Variants in DMD observed in about 807,000 individuals in gnomAD.
DMD encodes the protein mutant dystrophin.
In DMD, 63 loss-of-function variants were observed where a neutral mutation model predicts 330.1. That is an observed-to-expected ratio of 0.19 (90% CI 0.16 to 0.24). The LOEUF is 0.24. Ranked by LOEUF, DMD falls within the 10% of genes least tolerant of loss-of-function variation. DMD has a pLI of 1.00. For synonymous variants in DMD, 1,223 were observed against 959.8 expected (o/e 1.27, Z -5.07); for missense variants, 3,344 against 2,684.1 (o/e 1.25, Z -5.43).
chrX:32,180,488 C>G (rs138645836), intron 44 of DMD, among the ~76,000 whole-genome samples: 1,942 of 111,110 alleles, frequency 0.017, 107 homozygotes, highest in Admixed American at 0.16. Context: ...TTCCCATTTA[C>G]AGAGAGAGGT....
At chrX:31,371,641 G>A (rs191226892) in intron 60 of DMD, among the ~76,000 whole-genome samples, 83 of 111,005 alleles carry the variant, frequency 7.5e-4, no homozygotes, top group African/African-American at 2.4e-3. Context: ...CTGGATTGAG[G>A]GAATCCTTCC....
chrX:31,431,556 C>T (rs1273840904), intron 60 of DMD, among the ~76,000 whole-genome samples: 1 of 110,639 alleles, frequency 9.0e-6, no homozygotes, highest in Non-Finnish European at 1.9e-5. Flanking sequence ...TGCCACCACG[C>T]CCAGCTAATT....
chrX:32,355,481 CT>C lies in DMD; in HGVS notation c.5326-6954del, dbSNP rs1161793884. On this transcript the variant is annotated intron_variant, in intron 37 of 78. Coordinates refer to ENST00000357033, the MANE Select transcript of DMD (RefSeq NM_004006.3). ...AGAACAATCAAGATTCACCAAATAG[CT>C]TTAATTATTTCAAATGTTATGCTAA... 2.7e-5 allele frequency among the ~76,000 whole-genome samples: 3 copies of C among 111,719 alleles called. No homozygotes were observed. In the Admixed American group the frequency reaches 2.9e-4, roughly 11 times the overall value.
chrX:33,136,860 T>G (rs1161187049), intron 1 of DMD, among the ~76,000 whole-genome samples: 3 of 110,604 alleles, frequency 2.7e-5, no homozygotes, highest in Non-Finnish European at 5.7e-5. Context: ...CAATTAGGAG[T>G]AAGAAGTACG....
rs755973206 is a variant in DMD, at chrX:32,335,915, ATATG to A, written c.5922+6181_5922+6184del. ...AACATGTTATACATATAACGTGTATATATGTATGTTATATATAACGTGTATACGT... is the reference window on the plus strand; with the variant it reads ...AACATGTTATACATATAACGTGTATATATGTTATATATAACGTGTATACGT... On this transcript the variant is annotated intron_variant, in intron 41 of 78. Transcript: ENST00000357033. 4.2e-3 allele frequency among the ~76,000 whole-genome samples: 448 copies of A among 106,231 alleles called. 3 individuals carry two copies. The highest frequency in any genetic ancestry group is 0.014 in the African/African-American group (417 of 29,671). 92.2% of individuals were successfully genotyped at this position (106,231 alleles called of 115,157 possible). A position where few individuals can be genotyped will look rare whatever the true frequency, so the allele number is the denominator to read the frequency against.
Position 33,037,428 on chromosome X carries a change from T to A in DMD, c.32-17228A>T, listed in dbSNP as rs2094223672. 2.7e-5 allele frequency among the ~76,000 whole-genome samples: 3 copies of A among 111,046 alleles called. No homozygotes were observed. The Admixed American group carries it at 2.9e-4, about 11-fold the overall frequency. ...TTGGTATTTATCTGCCATAAACACA[T>A]GAAGCTGTTTTGGTTTGTTCAGTTA... On this transcript the variant is annotated intron_variant, in intron 1 of 78. Coordinates refer to ENST00000357033, the MANE Select transcript of DMD (RefSeq NM_004006.3).
intron 1 of DMD, among the ~76,000 whole-genome samples, chrX:33,245,050 A>G (rs909386663): frequency 9.0e-6 from 1 of 111,578 alleles, no homozygotes; most frequent in African/African-American, 3.2e-5. Context: ...TTCATTTTCA[A>G]ATATGTGACT....
At chrX:32,634,890 G>C (rs1177778224) in intron 11 of DMD, among the ~76,000 whole-genome samples, 3 of 111,717 alleles carry the variant, frequency 2.7e-5, no homozygotes, top group Non-Finnish European at 3.8e-5. Context: ...CACTGACTCT[G>C]AGCCCGGCAC....
intron 7 of DMD, among the ~76,000 whole-genome samples, chrX:32,708,433 C>G (rs1662415851): frequency 9.1e-6 from 1 of 110,015 alleles, no homozygotes; most frequent in Non-Finnish European, 1.9e-5. Flanking sequence ...TTTCCCTGTC[C>G]CAGTTTTTAT....
At chrX:33,306,099 T>C (rs1603429754) in intron 1 of DMD, among the ~76,000 whole-genome samples, 6 of 111,728 alleles carry the variant, frequency 5.4e-5, no homozygotes, top group Admixed American at 4.8e-4. Flanking sequence ...TTTTTAGCTG[T>C]AAGGCATGAC....
intron 1 of DMD, among the ~76,000 whole-genome samples, chrX:33,193,971 G>A (rs1049354069): frequency 3.6e-5 from 4 of 109,694 alleles, no homozygotes; most frequent in African/African-American, 6.7e-5. Flanking sequence ...TGTGGTTTGC[G>A]GCATCCAGGA....
At chrX:32,634,665 A>G (rs2058971022) in intron 11 of DMD, among the ~76,000 whole-genome samples, 1 of 111,031 alleles carries the variant, frequency 9.0e-6, no homozygotes, top group Admixed American at 9.6e-5. Flanking sequence ...GGACCTCAAG[A>G]CTCTGCCTGG....
intron 7 of DMD, among the ~76,000 whole-genome samples, chrX:32,701,739 C>T (rs1199275809): frequency 9.0e-6 from 1 of 111,279 alleles, no homozygotes; most frequent in Admixed American, 9.6e-5. Flanking sequence ...TAGACACATG[C>T]ATGTATGTTT....
chrX:31,506,153 T>C (rs1380803760), intron 56 of DMD, among the ~76,000 whole-genome samples: 1 of 112,167 alleles, frequency 8.9e-6, no homozygotes, highest in East Asian at 2.8e-4. Context: ...GTTGCTATCA[T>C]TATTTCATAC....
At chrX:32,949,383 TAGATAGATAGACAGACAGAC>T (rs1305553208) in intron 2 of DMD, among the ~76,000 whole-genome samples, 2 of 90,422 alleles carry the variant, frequency 2.2e-5, no homozygotes, top group Non-Finnish European at 4.0e-5. Flanking sequence ...GATAGATAGA[TAGATAGATAGACAGACAGAC>T]AGACAGACAG....
chrX:32,833,540 T>G (rs1000280379), intron 4 of DMD, among the ~76,000 whole-genome samples: 1 of 109,823 alleles, frequency 9.1e-6, no homozygotes, highest in Admixed American at 9.9e-5. Flanking sequence ...CAATTTAGTA[T>G]GAAAGATATA....
At chrX:31,839,656 C>T (rs1408919040) in intron 48 of DMD, among the ~76,000 whole-genome samples, 1 of 111,575 alleles carries the variant, frequency 9.0e-6, no homozygotes, top group Non-Finnish European at 1.9e-5. Context: ...TTAATTAATC[C>T]TTTCATTGAC....
chrX:31,267,209 T>C (rs1603268967), intron 62 of DMD, among the ~76,000 whole-genome samples: 3 of 112,549 alleles, frequency 2.7e-5, no homozygotes, highest in African/African-American at 9.7e-5. Context: ...TTAAAGCCTC[T>C]AGCAAGACTA....
chrX:31,989,905 A>G (rs2095538275), intron 44 of DMD, among the ~76,000 whole-genome samples: 2 of 110,875 alleles, frequency 1.8e-5, no homozygotes, highest in Non-Finnish European at 3.8e-5. Context: ...TGATTCCATC[A>G]CCCAGATAGT....
Sources: gnomAD v4.1 joint callset for allele counts (sites outside exome capture counted in the v4.1 genomes callset) on GRCh38, gnomAD v4.1.1 for gene constraint, MANE v1.5 for transcripts, NCBI Gene and HGNC (gene_info 2026-07-23, HGNC 2026-07-21) for gene names.